Variants in ZP3 observed in about 807,000 individuals in gnomAD.
ZP3 encodes the protein zona pellucida sperm-binding protein 3.
ZP3 carries 21 observed loss-of-function variants against 35.6 expected under a neutral mutation model. The observed-to-expected ratio is 0.59, with a 90% CI of 0.42 to 0.85. The LOEUF (loss-of-function observed/expected upper bound fraction) is 0.85, where lower values mean the gene tolerates loss of function less well. ZP3 is among the 40% of genes least tolerant of loss of function. ZP3 has a pLI of 0.00. For synonymous variants in ZP3, 207 were observed against 214.5 expected (o/e 0.96, Z 0.31); for missense variants, 437 against 536.5 (o/e 0.81, Z 1.83).
chr7:76,429,524 G>A lies in ZP3; in HGVS notation c.322G>A (p.Asp108Asn), dbSNP rs144871193. 1.5e-4 allele frequency: 246 copies of A among 1,613,964 alleles called. No homozygotes were observed. In the East Asian group the frequency reaches 5.1e-3, roughly 33 times the overall value. The change falls in exon 2 of 8, where the codon GAT becomes AAT. Residue 108 changes from aspartate to asparagine, a missense_variant. Asp to Asn is a conservative substitution (Grantham distance 23). Around this residue, in one of 6 missense-constraint regions of ZP3, gnomAD observed 352 missense variants for 308.4 expected, o/e 1.14. Coordinates refer to ENST00000394857, the MANE Select transcript of ZP3 (RefSeq NM_001110354.2). ...ECGNSMQVTD[D>N]ALVYSTFLLH... ...CTCACCTTTCCTCCAGGTAACTGAC[G>A]ATGCCCTGGTGTACAGCACCTTCCT...
intron 1 of ZP3, among the ~76,000 whole-genome samples, chr7:76,427,025 A>G (rs1244602774): frequency 1.3e-5 from 2 of 152,166 alleles, no homozygotes; most frequent in African/African-American, 4.8e-5. Context: ...ACTGCATTCC[A>G]GCCTGGAAGG....
chr7:76,427,838 G>A (rs1000104374), intron 1 of ZP3, among the ~76,000 whole-genome samples: 3 of 152,044 alleles, frequency 2.0e-5, no homozygotes, highest in South Asian at 2.1e-4. Context: ...ACATGCCACC[G>A]TGCCCAGCCA....
intron 1 of ZP3, among the ~76,000 whole-genome samples, chr7:76,415,202 C>A (rs925410861): frequency 6.6e-5 from 10 of 151,368 alleles, no homozygotes; most frequent in African/African-American, 2.4e-4. Flanking sequence ...ATGGTGAAAC[C>A]CTGTCTCTGC....
In ZP3 at chr7:76,429,559, C is replaced by G. The variant is rs1391925544; in HGVS notation, c.357C>G (p.Asp119Glu). The G allele has an allele frequency of 6.2e-7, 1 of 1,614,088 alleles. No individual in the cohort carries two copies. Among genetic ancestry groups the G allele is most frequent in the Non-Finnish European group, 8.5e-7 (1 of 1,179,970 alleles). ...TGTACAGCACCTTCCTGCTCCATGA[C>G]CCCCGCCCCGTGGGAAACCTGTCCA... ...ALVYSTFLLH[D>E]PRPVGNLSIV... Residue 119 changes from aspartate (D) to glutamate (E), a missense_variant, in exon 2 of 8, where the codon GAC becomes GAG. By Grantham distance (45) the Asp-to-Glu change is conservative. Coordinates refer to ENST00000394857, the MANE Select transcript of ZP3 (RefSeq NM_001110354.2).
At chr7:76,415,423 GACAACT>G (rs199735242) in intron 1 of ZP3, among the ~76,000 whole-genome samples, 9,938 of 147,182 alleles carry the variant, frequency 0.068, 873 homozygotes, top group African/African-American at 0.19. Flanking sequence ...TGACAACTAT[GACAACT>G]GTTACCAATG....
chr7:76,429,143 G>GTGT (rs1453226873), intron 1 of ZP3: 1 of 266,990 alleles, frequency 3.7e-6, no homozygotes, highest in Non-Finnish European at 7.5e-6. Flanking sequence ...TATTGCTTGG[G>GTGT]TGTTACATGG....
chr7:76,422,996 CAAAA>C (rs1229159968), upstream of ZP3, among the ~76,000 whole-genome samples: 10 of 84,486 alleles, frequency 1.2e-4, no homozygotes, highest in African/African-American at 4.7e-4. Flanking sequence ...GATCCTGTCT[CAAAA>C]GAAAGAAAGA....
chr7:76,420,386 A>G (rs1444638355), upstream of ZP3, among the ~76,000 whole-genome samples: 1 of 152,142 alleles, frequency 6.6e-6, no homozygotes, highest in Non-Finnish European at 1.5e-5. Flanking sequence ...TAAATTTTAG[A>G]ATCAGTTTAC....
rs537816599 is a variant in ZP3, at chr7:76,428,406, A to G, written c.313-1109A>G. On this transcript the variant is annotated intron_variant, in intron 1 of 7. Transcript: ENST00000394857. Reference sequence around the variant, plus strand: ...CTAATCACCTGGAAAGGTTGTAAAAATACTGATTCTCAAGAGAATCTCATA... The same window carrying G: ...CTAATCACCTGGAAAGGTTGTAAAAGTACTGATTCTCAAGAGAATCTCATA... Among the ~76,000 whole-genome samples, 6 of 152,310 alleles carry G rather than the reference A, an allele frequency of 3.9e-5. No individual in the cohort carries two copies. In the South Asian group the frequency reaches 1.2e-3, roughly 32 times the overall value.
At position 76,401,128 on chromosome 7, in the gene ZP3, G is replaced by T. The variant is rs1241388564; in HGVS notation, c.-67+3331G>T. 7 of 1,444,416 alleles carry T rather than the reference G, an allele frequency of 4.8e-6. No homozygotes were observed. The African/African-American group carries it at 1.0e-4, about 21-fold the overall frequency. 89.5% of individuals were successfully genotyped at this position (1,444,416 alleles called of 1,614,324 possible). ...AGGAACACACCCCCCAACTCCCACAGTCCTCAACATTACCCCCATCTTCTT... is the reference window on the plus strand; with the variant it reads ...AGGAACACACCCCCCAACTCCCACATTCCTCAACATTACCCCCATCTTCTT... On this transcript the variant is annotated intron_variant, in intron 1 of 8. Coordinates refer to the ZP3 transcript ENST00000336517.
chr7:76,433,129 TTTTG>T, intron 3 of ZP3, 99 bp downstream of exon 3: 1 of 624,194 alleles, frequency 1.6e-6, no homozygotes, highest in Non-Finnish European at 2.8e-6. Flanking sequence ...TTGGTTTTGG[TTTTG>T]GTTGGTTTTG....
At chr7:76,435,400 C>T (rs1443644413) in intron 5 of ZP3, among the ~76,000 whole-genome samples, 1 of 152,256 alleles carries the variant, frequency 6.6e-6, no homozygotes, top group Non-Finnish European at 1.5e-5. Context: ...GGTGATCCGC[C>T]TGCCTCGGTC....
intron 1 of ZP3, among the ~76,000 whole-genome samples, chr7:76,410,328 G>C (rs989371225): frequency 5.3e-5 from 8 of 150,412 alleles, no homozygotes; most frequent in African/African-American, 2.0e-4. Context: ...ACCGCACCCA[G>C]CCTAATTTTG....
At chr7:76,439,159 A>C (rs1806118687) in intron 5 of ZP3, among the ~76,000 whole-genome samples, 1 of 138,704 alleles carries the variant, frequency 7.2e-6, no homozygotes, top group Admixed American at 7.6e-5. Context: ...AAACCTCTTA[A>C]GTCTGAAATG....
At chr7:76,405,339 C>CTTTCTTTCTTTT (rs1271510975) in intron 1 of ZP3, among the ~76,000 whole-genome samples, 1 of 21,392 alleles carries the variant, frequency 4.7e-5, no homozygotes, top group African/African-American at 2.1e-4. Context: ...TTCTTTCTTT[C>CTTTCTTTCTTTT]TTTTTTTTTT....
chr7:76,426,874 C>CCACACACACACA (rs369991319), intron 1 of ZP3, among the ~76,000 whole-genome samples: 1 of 126,690 alleles, frequency 7.9e-6, no homozygotes. Context: ...CTACCAAACA[C>CCACACACACACA]CACACACACA....
Position 76,416,812 on chromosome 7 carries a change from C to A in ZP3, c.-66-8240C>A, listed in dbSNP as rs1019100. On this transcript the variant is annotated intron_variant, in intron 1 of 8. Coordinates refer to the ZP3 transcript ENST00000336517. Reference sequence around the variant, plus strand: ...GGATGCTGTCTCTCTCTCTCTCTCTCTCTCTATATATATATACATATACAT... The same window carrying A: ...GGATGCTGTCTCTCTCTCTCTCTCTATCTCTATATATATATACATATACAT... Among the ~76,000 whole-genome samples the A allele has an allele frequency of 1.0e-2, 1,316 of 131,964 alleles. 12 individuals carry two copies. The highest frequency in any genetic ancestry group is 0.027 in the African/African-American group (892 of 32,736). The allele number at this position is 131,964 out of a possible 152,430, so 86.6% of individuals were successfully genotyped here.
rs71085411 is a variant in ZP3 at position 76,427,515 on chromosome 7, C to CAAAA, written c.313-1983_313-1980dup. On this transcript the variant is annotated intron_variant, in intron 1 of 7. Transcript: ENST00000394857. ...TGGGCAACAGAGTGAGACTCCGTCTCAAAAAAAAAAAAAAAAAAAATACAG... is the reference window on the plus strand; with the variant it reads ...TGGGCAACAGAGTGAGACTCCGTCTCAAAAAAAAAAAAAAAAAAAAAAAATACAG... Among the ~76,000 whole-genome samples, 822 of 104,686 alleles carry CAAAA rather than the reference C, an allele frequency of 7.9e-3. 11 individuals are homozygous for CAAAA. The highest frequency in any genetic ancestry group is 0.019 in the African/African-American group (545 of 28,214). The allele number at this position is 104,686 out of a possible 152,430, so 68.7% of individuals were successfully genotyped here. A position where few individuals can be genotyped will look rare whatever the true frequency, so the allele number is the denominator to read the frequency against.
intron 1 of ZP3, among the ~76,000 whole-genome samples, chr7:76,426,193 G>C (rs887198140): frequency 9.9e-5 from 15 of 152,130 alleles, no homozygotes; most frequent in Non-Finnish European, 1.2e-4. Context: ...CAGCTCCAAG[G>C]GGGAGAGGCT....
Sources: allele counts gnomAD v4.1 joint callset (sites outside exome capture counted in the v4.1 genomes callset), GRCh38; gene constraint gnomAD v4.1.1; regional missense constraint gnomAD v4.1.1; transcripts MANE v1.5; gene names NCBI Gene and HGNC (gene_info 2026-07-23, HGNC 2026-07-21).